UNC79: variants seen among roughly 807,000 people sequenced by gnomAD.
The protein encoded by UNC79 is protein unc-79 homolog.
A neutral mutation model predicts 283.1 loss-of-function variants in UNC79; 37 were observed. That is an observed-to-expected ratio of 0.13 (90% confidence interval 0.10 to 0.17). The LOEUF is 0.17. UNC79 is among the 10% of genes least tolerant of loss of function. UNC79 has a pLI of 1.00. For missense variants in UNC79, 2,272 were observed against 3,211.1 expected, an observed-to-expected ratio of 0.71 and a Z score of 7.07; for synonymous variants, 1,107 against 1,200.2, an observed-to-expected ratio of 0.92 and a Z score of 1.61.
intron 40 of UNC79, among the ~76,000 whole-genome samples, chr14:93,668,363 TAA>T (rs961522496): frequency 6.6e-6 from 1 of 152,200 alleles, no homozygotes; most frequent in Non-Finnish European, 1.5e-5. Context: ...CAGATGATTA[TAA>T]AACATACTTT....
Position 93,486,734 on chromosome 14 carries a change from T to C in UNC79, c.620-929T>C, listed in dbSNP as rs372733152. Reference sequence around the variant, plus strand: ...TTCCCCAAATGACTTCCATCAGTGCTACTTTTGAATACTTAAAGGGGTGAC... The same window carrying C: ...TTCCCCAAATGACTTCCATCAGTGCCACTTTTGAATACTTAAAGGGGTGAC... On this transcript the variant is annotated intron_variant, in intron 4 of 48. Coordinates refer to ENST00000555664, the Ensembl canonical transcript of UNC79. Among the ~76,000 whole-genome samples the C allele has an allele frequency of 9.9e-5, 15 of 151,430 alleles. 1 individual carries two copies. The highest frequency in any genetic ancestry group is 7.8e-4 in the East Asian group (4 of 5,134).
At chr14:93,467,343 G>A (rs1222340429) in intron 1 of UNC79, among the ~76,000 whole-genome samples, 1 of 152,066 alleles carries the variant, frequency 6.6e-6, no homozygotes, top group Admixed American at 6.5e-5. Context: ...ACTTGGGGGT[G>A]ATTAGAAAAC....
chr14:93,343,199 TAAAG>T (rs2053749936), intron 1 of UNC79, among the ~76,000 whole-genome samples: 2 of 152,254 alleles, frequency 1.3e-5, no homozygotes, highest in South Asian at 4.1e-4. Flanking sequence ...TACACTGCTA[TAAAG>T]AACTACCTGA....
At chr14:93,530,070 G>A (rs2060734652) in intron 10 of UNC79, among the ~76,000 whole-genome samples, 2 of 152,142 alleles carry the variant, frequency 1.3e-5, no homozygotes, top group African/African-American at 2.4e-5. Flanking sequence ...GGAAGAACTC[G>A]ATGGTATATG....
intron 1 of UNC79, among the ~76,000 whole-genome samples, chr14:93,404,492 A>AT (rs1405511516): frequency 3.1e-5 from 3 of 96,026 alleles, no homozygotes; most frequent in African/African-American, 1.2e-4. Context: ...CTTCTAAAAA[A>AT]AATATATATA....
At chr14:93,479,443 A>G (rs2058004261) in intron 4 of UNC79, among the ~76,000 whole-genome samples, 1 of 151,918 alleles carries the variant, frequency 6.6e-6, no homozygotes. Flanking sequence ...GACTACAGGC[A>G]CCAGCCACCA....
At chr14:93,700,837 T>G (rs2075475570) in intron 47 of UNC79, among the ~76,000 whole-genome samples, 1 of 152,200 alleles carries the variant, frequency 6.6e-6, no homozygotes, top group South Asian at 2.1e-4. Flanking sequence ...CTCTGACTAA[T>G]AGGAACACAA....
intron 1 of UNC79, among the ~76,000 whole-genome samples, chr14:93,355,191 G>A (rs1595380225): frequency 1.3e-5 from 2 of 151,070 alleles, no homozygotes; most frequent in Admixed American, 6.6e-5. Flanking sequence ...CACCATGCCC[G>A]GCTAGTTTTT....
intron 5 of UNC79, among the ~76,000 whole-genome samples, chr14:93,488,823 G>A (rs560637010): frequency 2.0e-5 from 3 of 152,258 alleles, no homozygotes; most frequent in South Asian, 2.1e-4. Flanking sequence ...AATTCTCAGG[G>A]TCCTCCTTTA....
chr14:93,637,661 T>C (rs1318702641), intron 32 of UNC79, among the ~76,000 whole-genome samples: 1 of 152,216 alleles, frequency 6.6e-6, no homozygotes, highest in East Asian at 1.9e-4. Flanking sequence ...TTTCACCATG[T>C]TGGCCAGGCT....
In UNC79 at chr14:93,503,897, A is replaced by G. The variant is rs138428827; in HGVS notation, c.898+6611A>G. 7.5e-3 allele frequency among the ~76,000 whole-genome samples: 1,136 copies of G among 152,070 alleles called. 2 individuals carry two copies. Among genetic ancestry groups the G allele is most frequent in the Non-Finnish European group, 0.013 (879 of 67,852 alleles). ...TTATAATGCTTTTTTGTCATCTTCTATAATCTTTGTTTTTCATCTTTTAGA... is the reference window on the plus strand; with the variant it reads ...TTATAATGCTTTTTTGTCATCTTCTGTAATCTTTGTTTTTCATCTTTTAGA... On this transcript the variant is annotated intron_variant, in intron 7 of 48. Coordinates refer to ENST00000555664, the Ensembl canonical transcript of UNC79.
chr14:93,694,462 AATGTGGATTT>A, intron 47 of UNC79, 50 bp downstream of exon 50: 1 of 1,519,000 alleles, frequency 6.6e-7, no homozygotes, highest in Non-Finnish European at 9.1e-7. Context: ...GCTAAAAACA[AATGTGGATTT>A]ATGTTGAAGG....
At chr14:93,603,089 G>A in intron 25 of UNC79, 150 bp from the exon 26 acceptor site, 1 of 806,406 alleles carries the variant, frequency 1.2e-6, no homozygotes, top group Non-Finnish European at 1.8e-6. Flanking sequence ...AGTTATTTTT[G>A]TATGTAGGAC....
chr14:93,565,160 G>A (rs534508232), intron 14 of UNC79, among the ~76,000 whole-genome samples: 30 of 152,262 alleles, frequency 2.0e-4, no homozygotes, highest in African/African-American at 7.0e-4. Flanking sequence ...TCCCTCCCCC[G>A]GTTCCTGTAG....
intron 14 of UNC79, among the ~76,000 whole-genome samples, chr14:93,548,468 C>T (rs191606851): frequency 2.0e-5 from 3 of 152,022 alleles, no homozygotes; most frequent in African/African-American, 7.3e-5. Flanking sequence ...AAAGAAAAAC[C>T]TTTTACAACC....
intron 47 of UNC79, among the ~76,000 whole-genome samples, chr14:93,695,308 C>T (rs2075012202): frequency 6.6e-6 from 1 of 152,218 alleles, no homozygotes; most frequent in South Asian, 2.1e-4. Context: ...GTTAACTCCA[C>T]TCTTCAACAA....
chr14:93,599,671 A>G (rs999725198), intron 24 of UNC79, among the ~76,000 whole-genome samples: 2 of 152,178 alleles, frequency 1.3e-5, no homozygotes, highest in African/African-American at 2.4e-5. Context: ...CAATTTTTAA[A>G]TCTCATTCTG....
intron 35 of UNC79, among the ~76,000 whole-genome samples, chr14:93,648,272 C>T (rs1226828523): frequency 6.6e-6 from 1 of 152,034 alleles, no homozygotes; most frequent in Non-Finnish European, 1.5e-5. Flanking sequence ...AGTGTTCTTA[C>T]ACAATAAAAT....
At chr14:93,700,251 G>A (rs1252626973) in intron 47 of UNC79, among the ~76,000 whole-genome samples, 1 of 151,960 alleles carries the variant, frequency 6.6e-6, no homozygotes, top group Admixed American at 6.5e-5. Flanking sequence ...CCTTGGTAGA[G>A]TTTTCTTCAT....
Sources: gnomAD v4.1 joint callset for allele counts (sites outside exome capture counted in the v4.1 genomes callset) on GRCh38, gnomAD v4.1.1 for gene constraint, MANE v1.5 for transcripts, NCBI Gene and HGNC (gene_info 2026-07-23, HGNC 2026-07-21) for gene names.